The following SERINC5 variants were observed in gnomAD, a reference collection of about 807,000 sequenced individuals.
SERINC5 encodes the protein serine incorporator 5.
SERINC5 carries 41 observed loss-of-function variants against 63.1 expected under a neutral mutation model. The ratio of observed to expected loss-of-function variants is 0.65; its 90% CI spans 0.51 to 0.84. The LOEUF (loss-of-function observed/expected upper bound fraction) is 0.84. Ranked by LOEUF, SERINC5 falls within the 40% of genes least tolerant of loss-of-function variation. SERINC5 has a pLI of 0.00. For missense variants in SERINC5, 523 were observed against 573.0 expected, an observed-to-expected ratio of 0.91 and a Z score of 0.89; for synonymous variants, 222 against 215.2, an observed-to-expected ratio of 1.03 and a Z score of -0.28.
In SERINC5 at chr5:80,141,823, A is replaced by T; in HGVS notation, c.*1840T>A. The T allele has an allele frequency of 1.0e-6, 1 of 985,452 alleles. No homozygotes were observed. The highest frequency in any genetic ancestry group is 1.2e-6 in the Non-Finnish European group (1 of 829,922). The allele number at this position is 985,452 out of a possible 1,614,324, so 61.0% of individuals were successfully genotyped here. On this transcript the variant is annotated 3_prime_UTR_variant, in exon 12 of 12. Coordinates refer to ENST00000507668, the MANE Select transcript of SERINC5 (RefSeq NM_001174072.3). The stretch of plus-strand genomic sequence containing the variant: ...AAAAAGGAAATTTAATGGAATTTAC[A>T]AAACAAGGCTCTCTAAACCACACAC...
At chr5:80,160,976 ATATATGTG>A (rs1746855133) in intron 7 of SERINC5, among the ~76,000 whole-genome samples, 1 of 142,338 alleles carries the variant, frequency 7.0e-6, no homozygotes, top group Admixed American at 7.0e-5. Context: ...ATATATATGT[ATATATGTG>A]TGTATATGTA....
intron 1 of SERINC5, among the ~76,000 whole-genome samples, chr5:80,215,153 T>C (rs1406281633): frequency 6.6e-6 from 1 of 152,238 alleles, no homozygotes; most frequent in African/African-American, 2.4e-5. Flanking sequence ...GGCAGATGAC[T>C]GCATCATGGG....
chr5:80,253,815 C>A (rs944969476), intron 1 of SERINC5, among the ~76,000 whole-genome samples: 6 of 152,208 alleles, frequency 3.9e-5, no homozygotes, highest in Non-Finnish European at 5.9e-5. Flanking sequence ...CCATTGAGAG[C>A]AGAGATGCTT....
At chr5:80,111,450 T>A (rs942742757), downstream of SERINC5, among the ~76,000 whole-genome samples, 12 of 152,176 alleles carry the variant, frequency 7.9e-5, no homozygotes, top group South Asian at 2.1e-3. Context: ...TTTAAATCCA[T>A]CACAAGGTGA....
chr5:80,133,317 C>T (rs1745021314), intron 11 of SERINC5, among the ~76,000 whole-genome samples: 1 of 152,128 alleles, frequency 6.6e-6, no homozygotes, highest in Non-Finnish European at 1.5e-5. Flanking sequence ...TAACACTAGC[C>T]TAAAACAGGG....
chr5:80,139,591 AAG>A lies in SERINC5; in HGVS notation c.*4070_*4071del, dbSNP rs1745377266. ...CTCTGTGAAAGAGTTGTTGAGAAAG[AAG>A]AAAAGAGAGAGAGAGAGAAAGGTCT... On this transcript the variant is annotated 3_prime_UTR_variant, in exon 12 of 12. Coordinates refer to ENST00000507668, the MANE Select transcript of SERINC5 (RefSeq NM_001174072.3). The A allele has an allele frequency of 1.0e-6, 1 of 970,048 alleles. No homozygotes were observed. Among genetic ancestry groups the A allele is most frequent in the Non-Finnish European group, 1.2e-6 (1 of 824,066 alleles). The allele number at this position is 970,048 out of a possible 1,614,324, so 60.1% of individuals were successfully genotyped here. A position where few individuals can be genotyped will look rare whatever the true frequency, so the allele number is the denominator to read the frequency against.
chr5:80,190,779 A>G (rs936014932), intron 2 of SERINC5, among the ~76,000 whole-genome samples: 1 of 152,210 alleles, frequency 6.6e-6, no homozygotes, highest in Non-Finnish European at 1.5e-5. Context: ...TCAAGATTTG[A>G]GAGCCCCATT....
At chr5:80,119,195 A>G (rs1430107968) in intron 11 of SERINC5, among the ~76,000 whole-genome samples, 1 of 152,224 alleles carries the variant, frequency 6.6e-6, no homozygotes. Flanking sequence ...ATATGTTAAA[A>G]GTACTGGATA....
At chr5:80,235,753 C>T (rs1173625547) in intron 1 of SERINC5, among the ~76,000 whole-genome samples, 2 of 152,134 alleles carry the variant, frequency 1.3e-5, no homozygotes, top group African/African-American at 4.8e-5. Context: ...TGAGCCACCG[C>T]GCCTGGCTGA....
At chr5:80,183,953 G>A (rs1400987252) in intron 2 of SERINC5, among the ~76,000 whole-genome samples, 1 of 152,152 alleles carries the variant, frequency 6.6e-6, no homozygotes, top group African/African-American at 2.4e-5. Flanking sequence ...GTGCTTTCTG[G>A]AGGAACCTCA....
In SERINC5 at chr5:80,150,744, T is replaced by C. The variant is rs114939138; in HGVS notation, c.1053+138A>G. The C allele has an allele frequency of 1.7e-3, 1,180 of 706,574 alleles. 3 individuals are homozygous for C. Among genetic ancestry groups the C allele is most frequent in the Non-Finnish European group, 2.5e-3 (987 of 397,460 alleles). The allele number at this position is 706,574 out of a possible 1,614,324, so 43.8% of individuals were successfully genotyped here. A position where few individuals can be genotyped will look rare whatever the true frequency, so the allele number is the denominator to read the frequency against. ...AGCCACCACACCCGGCCAGCATTTA[T>C]TTTTCTATACAAAAATCTTTCCTCA... is the stretch of plus-strand genomic sequence containing the variant. On this transcript the variant is annotated intron_variant, in intron 9 of 11. Transcript: ENST00000507668.
intron 1 of SERINC5, among the ~76,000 whole-genome samples, chr5:80,227,178 G>A (rs1421077289): frequency 1.3e-5 from 2 of 152,142 alleles, no homozygotes; most frequent in African/African-American, 2.4e-5. Context: ...TTACAGGCAT[G>A]AGCCACTGCG....
intron 2 of SERINC5, among the ~76,000 whole-genome samples, chr5:80,198,998 A>ACCT (rs1285246236): frequency 6.6e-6 from 1 of 151,928 alleles, no homozygotes; most frequent in Admixed American, 6.6e-5. Context: ...TGCCACCACT[A>ACCT]CCTCTAGGCT....
intron 7 of SERINC5, among the ~76,000 whole-genome samples, chr5:80,165,307 T>A: frequency 6.6e-6 from 1 of 152,200 alleles, no homozygotes; most frequent in East Asian, 1.9e-4. Flanking sequence ...ACTATGTGTA[T>A]ATGCTAAAAC....
In SERINC5 at chr5:80,150,136, T is replaced by C. The variant is rs149295714; in HGVS notation, c.1053+746A>G. Among the ~76,000 whole-genome samples, 698 of 152,320 alleles carry C rather than the reference T, an allele frequency of 4.6e-3. 4 individuals carry two copies. The highest frequency in any genetic ancestry group is 6.8e-3 in the Middle Eastern group (2 of 294). ...GCAGAGCAGATATGGTTCCTTCCCT[T>C]TCCTCTCTCCTTTCTTCCAAACAGC... is the stretch of plus-strand genomic sequence containing the variant. On this transcript the variant is annotated intron_variant, in intron 9 of 11. Coordinates refer to ENST00000507668, the MANE Select transcript of SERINC5 (RefSeq NM_001174072.3).
At chr5:80,164,198 T>C (rs1437616924) in intron 7 of SERINC5, among the ~76,000 whole-genome samples, 2 of 152,130 alleles carry the variant, frequency 1.3e-5, no homozygotes, top group Non-Finnish European at 2.9e-5. Context: ...TTGTGATTTT[T>C]CCTTTTTCAT....
intron 10 of SERINC5, 42 bp downstream of exon 10, chr5:80,147,203 G>A (rs1160065901): frequency 1.3e-6 from 2 of 1,551,770 alleles, no homozygotes; most frequent in Non-Finnish European, 1.8e-6. Flanking sequence ...TTATAGGTCT[G>A]CAGTGCCACA....
chr5:80,219,839 G>A (rs538800336), intron 1 of SERINC5, among the ~76,000 whole-genome samples: 2 of 151,086 alleles, frequency 1.3e-5, no homozygotes, highest in East Asian at 3.9e-4. Flanking sequence ...ATCACCACCC[G>A]CCAACCTTTA....
intron 1 of SERINC5, among the ~76,000 whole-genome samples, chr5:80,204,159 C>T (rs1038659105): frequency 2.6e-5 from 4 of 152,104 alleles, no homozygotes; most frequent in South Asian, 2.1e-4. Flanking sequence ...AACTGGTAAT[C>T]GCCAGTAAAG....
Sources: allele counts gnomAD v4.1 joint callset (sites outside exome capture counted in the v4.1 genomes callset), GRCh38; gene constraint gnomAD v4.1.1; transcripts MANE v1.5; gene names NCBI Gene and HGNC (gene_info 2026-07-23, HGNC 2026-07-21).